RABGAP1L: variants seen among roughly 807,000 people sequenced by gnomAD.
RABGAP1L encodes RAB GTPase activating protein 1 like, also known as rab GTPase-activating protein 1-like.
In RABGAP1L, 63 loss-of-function variants were observed where a neutral mutation model predicts 137.7. The ratio of observed to expected loss-of-function variants is 0.46; its 90% CI spans 0.37 to 0.56. RABGAP1L has a LOEUF of 0.56. Among genes scored for constraint, RABGAP1L ranks in the 20% least tolerant of loss-of-function variants. The pLI is 0.00. For missense variants in RABGAP1L, 1,095 were observed against 1,244.0 expected, an observed-to-expected ratio of 0.88 and a Z score of 1.80; for synonymous variants, 431 against 433.7, an observed-to-expected ratio of 0.99 and a Z score of 0.08.
At position 174,780,099 on chromosome 1, in the gene RABGAP1L, TAAATA is replaced by T. The variant is rs1558070459; in HGVS notation, c.2211+27748_2211+27752del. Among the ~76,000 whole-genome samples, 60 of 150,688 alleles carry T rather than the reference TAAATA, an allele frequency of 4.0e-4. 1 individual carries two copies. The highest frequency in any genetic ancestry group is 2.5e-3 in the South Asian group (12 of 4,766). On this transcript the variant is annotated intron_variant, in intron 18 of 25. Coordinates refer to ENST00000681986, the MANE Select transcript of RABGAP1L (RefSeq NM_001366446.1). ...ATAAATAAATAAATAAATAAATAAATAAATAAATAAATAAATAAATTAAATAAGCC... is the reference window on the plus strand; with the variant it reads ...ATAAATAAATAAATAAATAAATAAATAATAAATAAATAAATTAAATAAGCC...
intron 13 of RABGAP1L, among the ~76,000 whole-genome samples, chr1:174,584,543 C>T (rs754227491): frequency 1.3e-5 from 2 of 152,110 alleles, no homozygotes; most frequent in African/African-American, 4.8e-5. Flanking sequence ...GCCTGGGCAA[C>T]ATAGCAAGAC....
chr1:174,943,904 G>A (rs73037341), intron 19 of RABGAP1L, among the ~76,000 whole-genome samples: 17 of 152,262 alleles, frequency 1.1e-4, no homozygotes, highest in African/African-American at 2.9e-4. Flanking sequence ...GTTCCAGGAC[G>A]GCTTTACCTG....
chr1:174,509,155 T>C (rs1417931890), intron 13 of RABGAP1L, among the ~76,000 whole-genome samples: 1 of 152,166 alleles, frequency 6.6e-6, no homozygotes, highest in Non-Finnish European at 1.5e-5. Context: ...GAAAACCTTT[T>C]GCTCAGATAC....
intron 17 of RABGAP1L, among the ~76,000 whole-genome samples, chr1:174,706,504 T>G (rs184171891): frequency 1.9e-3 from 284 of 152,298 alleles, no homozygotes; most frequent in South Asian, 3.1e-3. Flanking sequence ...GTATTAACAT[T>G]TATAGTGTAA....
chr1:174,298,019 C>T (rs1677287548), intron 10 of RABGAP1L, among the ~76,000 whole-genome samples: 2 of 152,110 alleles, frequency 1.3e-5, no homozygotes, highest in Non-Finnish European at 2.9e-5. Context: ...ACACAGTCAC[C>T]TATCAGTGAA....
At chr1:174,665,447 C>CCGCCT (rs1349378771) in intron 14 of RABGAP1L, among the ~76,000 whole-genome samples, 3 of 150,446 alleles carry the variant, frequency 2.0e-5, no homozygotes, top group South Asian at 2.1e-4. Flanking sequence ...CCGCCCCGCC[C>CCGCCT]CGCCTCGCCT....
At chr1:174,241,722 A>G in intron 5 of RABGAP1L, 65 bp downstream of exon 5, 1 of 1,267,150 alleles carries the variant, frequency 7.9e-7, no homozygotes, top group Non-Finnish European at 1.1e-6. Context: ...TTGAGCTCTA[A>G]TTTCACTGTT....
rs193088036 is a variant in RABGAP1L at position 174,333,591 on chromosome 1, G to A, written c.1465+28464G>A. Among the ~76,000 whole-genome samples the A allele has an allele frequency of 2.6e-3, 400 of 152,270 alleles. 5 individuals carry two copies. The highest frequency in any genetic ancestry group is 9.2e-3 in the African/African-American group (383 of 41,554). On this transcript the variant is annotated intron_variant, in intron 11 of 25. Coordinates refer to ENST00000681986, the MANE Select transcript of RABGAP1L (RefSeq NM_001366446.1). ...CAGCCATTTCAGGACTTTGGAAAGCGACTAAAATTATACAACAGATTGAGA... is the reference window on the plus strand; with the variant it reads ...CAGCCATTTCAGGACTTTGGAAAGCAACTAAAATTATACAACAGATTGAGA...
At chr1:174,347,769 C>CA (rs775414443) in intron 11 of RABGAP1L, among the ~76,000 whole-genome samples, 7 of 152,332 alleles carry the variant, frequency 4.6e-5, no homozygotes, top group Non-Finnish European at 7.4e-5. Flanking sequence ...GCTAGGATTA[C>CA]AGGCGTGAGC....
At chr1:174,559,415 A>C (rs1368164524) in intron 13 of RABGAP1L, among the ~76,000 whole-genome samples, 1 of 152,248 alleles carries the variant, frequency 6.6e-6, no homozygotes, top group Non-Finnish European at 1.5e-5. Context: ...ACTTATCCGC[A>C]TCTTTGATAA....
intron 12 of RABGAP1L, among the ~76,000 whole-genome samples, chr1:174,372,685 T>G (rs1231801439): frequency 2.0e-5 from 3 of 152,214 alleles, no homozygotes; most frequent in Non-Finnish European, 4.4e-5. Flanking sequence ...TCTCAAGACT[T>G]AAAGTGTTGT....
At chr1:174,328,005 A>ATATATATATG (rs1680686696) in intron 11 of RABGAP1L, among the ~76,000 whole-genome samples, 1 of 136,674 alleles carries the variant, frequency 7.3e-6, no homozygotes, top group African/African-American at 2.9e-5. Flanking sequence ...ATATATATAT[A>ATATATATATG]TATATATATA....
intron 13 of RABGAP1L, among the ~76,000 whole-genome samples, chr1:174,429,593 G>C (rs984287518): frequency 6.6e-6 from 1 of 152,164 alleles, no homozygotes; most frequent in East Asian, 1.9e-4. Flanking sequence ...ACAAAAATTA[G>C]CCAGACATGG....
At chr1:174,728,398 G>A (rs967264282) in intron 17 of RABGAP1L, among the ~76,000 whole-genome samples, 1 of 152,092 alleles carries the variant, frequency 6.6e-6, no homozygotes, top group Non-Finnish European at 1.5e-5. Flanking sequence ...AAAATGCCTA[G>A]GAATACATCT....
intron 13 of RABGAP1L, among the ~76,000 whole-genome samples, chr1:174,565,634 G>A (rs539786377): frequency 4.3e-4 from 65 of 152,208 alleles, no homozygotes; most frequent in Middle Eastern, 6.8e-3. Context: ...GACGCAGTTT[G>A]GAATTTTCCT....
chr1:174,244,601 A>C lies in RABGAP1L; in HGVS notation c.717+2944A>C, dbSNP rs1672101936. Reference sequence around the variant, plus strand: ...ATAATCTATGGCAAAAGAGTTGGACAATCCAACCAGAAGTATCTTGAGGTC... The same window carrying C: ...ATAATCTATGGCAAAAGAGTTGGACCATCCAACCAGAAGTATCTTGAGGTC... On this transcript the variant is annotated intron_variant, in intron 5 of 25. Coordinates refer to ENST00000681986, the MANE Select transcript of RABGAP1L (RefSeq NM_001366446.1). 4 of 152,234 alleles carry C rather than the reference A, an allele frequency of 2.6e-5. No homozygotes were observed. The South Asian group carries it at 8.3e-4, about 31-fold the overall frequency. The allele number at this position is 152,234 out of a possible 1,614,324, so 9.4% of individuals were successfully genotyped here.
chr1:174,491,604 A>G (rs1660241282), intron 13 of RABGAP1L, among the ~76,000 whole-genome samples: 1 of 152,062 alleles, frequency 6.6e-6, no homozygotes. Context: ...AGTAAGTTAC[A>G]TGTCCCCCCA....
chr1:174,489,773 C>A (rs532581266), intron 13 of RABGAP1L, among the ~76,000 whole-genome samples: 1 of 152,246 alleles, frequency 6.6e-6, no homozygotes, highest in South Asian at 2.1e-4. Flanking sequence ...AGACTTGGAA[C>A]CAACCCAAAT....
At chr1:174,787,767 T>G (rs1361180130) in intron 18 of RABGAP1L, among the ~76,000 whole-genome samples, 1 of 152,126 alleles carries the variant, frequency 6.6e-6, no homozygotes, top group Non-Finnish European at 1.5e-5. Flanking sequence ...GTAATACATA[T>G]GGAGAATAGT....
Sources: gnomAD v4.1 joint callset for allele counts (sites outside exome capture counted in the v4.1 genomes callset) on GRCh38, gnomAD v4.1.1 for gene constraint, MANE v1.5 for transcripts, NCBI Gene and HGNC (gene_info 2026-07-23, HGNC 2026-07-21) for gene names.